Variants in OR6Q1 observed in about 807,000 individuals in gnomAD.
The protein encoded by OR6Q1 is olfactory receptor family 6 subfamily Q member 1.
For missense variants in OR6Q1, 387 were observed against 381.7 expected, an observed-to-expected ratio of 1.01 and a Z score of -0.12; for synonymous variants, 144 against 148.9, an observed-to-expected ratio of 0.97 and a Z score of 0.24.
rs1056727351 is a variant in OR6Q1 at position 58,031,580 on chromosome 11, G to T, written c.628G>T (p.Val210Leu). 2 of 1,613,942 alleles carry T rather than the reference G, an allele frequency of 1.2e-6. No individual in the cohort carries two copies. The highest frequency in any genetic ancestry group is 2.7e-5 in the African/African-American group (2 of 74,908). The change falls in exon 1 of 1, where the codon GTG becomes TTG. Residue 210 changes from valine (V) to leucine (L), a missense_variant. Coordinates refer to ENST00000302622, the MANE Select transcript of OR6Q1 (RefSeq NM_001005186.2). ...ETVDFLVSLA[V>L]LLASSMVIAV... ...TGTGGATTTCCTGGTGTCTCTGGCT[G>T]TGCTACTGGCCTCCTCTATGGTCAT... is the stretch of plus-strand genomic sequence containing the variant.
In OR6Q1 at chr11:58,031,527, C is replaced by A. The variant is rs138474678; in HGVS notation, c.575C>A (p.Ser192Ter). Residue 192 changes from serine (S) to a stop codon, truncating the protein, a stop_gained, in exon 1 of 1, where the codon TCG becomes TAG. Transcript: ENST00000302622. LOFTEE classifies it low-confidence loss of function (END_TRUNC). ...GATGCCTCACCCTTGCTAGCCTTGT[C>A]GTGCTCAGATGTCACTTGGAAGGAG... is the stretch of plus-strand genomic sequence containing the variant. The part of the protein sequence containing the change: ...SCDASPLLAL[S>*]CSDVTWKETV... The A allele has an allele frequency of 6.2e-7, 1 of 1,613,972 alleles. No individual in the cohort carries two copies. Among genetic ancestry groups the A allele is most frequent in the Admixed American group, 1.7e-5 (1 of 59,992 alleles).
Position 58,031,524 on chromosome 11 carries a change from TGTC to T in OR6Q1, c.575_577del (p.Ser192del), listed in dbSNP as rs1853038711. 1 of 1,614,032 alleles carries T rather than the reference TGTC, an allele frequency of 6.2e-7. No individual in the cohort carries two copies. Among genetic ancestry groups the T allele is most frequent in the African/African-American group, 1.3e-5 (1 of 74,910 alleles). On this transcript the variant is annotated inframe_deletion, in exon 1 of 1. Transcript: ENST00000302622. ...TGTGATGCCTCACCCTTGCTAGCCT[TGTC>T]GTGCTCAGATGTCACTTGGAAGGAG...
chr11:58,031,174 G>T lies in OR6Q1; in HGVS notation c.222G>T (p.Trp74Cys). ...FLTHLSCLEI[W>C]YTSVTVPKML... ...CACACTTGTCCTGCCTTGAAATCTGGTACACTTCTGTTACAGTGCCCAAGA... is the reference window on the plus strand; with the variant it reads ...CACACTTGTCCTGCCTTGAAATCTGTTACACTTCTGTTACAGTGCCCAAGA... Residue 74 changes from tryptophan to cysteine, a missense_variant, in exon 1 of 1, where the codon TGG becomes TGT. Trp to Cys is a radical substitution (Grantham distance 215). Transcript: ENST00000302622. The T allele has an allele frequency of 6.2e-7, 1 of 1,614,100 alleles. No homozygotes were observed. The highest frequency in any genetic ancestry group is 2.2e-5 in the East Asian group (1 of 44,890).
At position 58,031,072 on chromosome 11, in the gene OR6Q1, C is replaced by T; in HGVS notation, c.120C>T (p.Thr40=). The T allele has an allele frequency of 6.2e-7, 1 of 1,614,184 alleles. No homozygotes were observed. The highest frequency in any genetic ancestry group is 8.5e-7 in the Non-Finnish European group (1 of 1,180,010). ...TCTTCCTCACCATGTACCTGTTCAC[C>T]TTGGTGGAGAATTTGGCCATCATTT... is the stretch of plus-strand genomic sequence containing the variant. The part of the protein sequence containing the change: ...FILFLTMYLF[T]LVENLAIILV... The change falls in exon 1 of 1, where the codon ACC becomes ACT. Residue 40 remains threonine (T), a synonymous_variant. Transcript: ENST00000302622.
Position 58,031,573 on chromosome 11 carries a change from T to G in OR6Q1, c.621T>G (p.Ser207=). The stretch of plus-strand genomic sequence containing the variant: ...AGGAGACTGTGGATTTCCTGGTGTC[T>G]CTGGCTGTGCTACTGGCCTCCTCTA... ...TWKETVDFLV[S]LAVLLASSMV... is the part of the protein sequence containing the mutation. Residue 207 remains serine, a synonymous_variant, in exon 1 of 1, where the codon TCT becomes TCG. Transcript: ENST00000302622. 1 of 1,614,078 alleles carries G rather than the reference T, an allele frequency of 6.2e-7. No individual in the cohort carries two copies. Among genetic ancestry groups the G allele is most frequent in the Non-Finnish European group, 8.5e-7 (1 of 1,179,966 alleles).
rs971685072 is a variant in OR6Q1 at position 58,031,357 on chromosome 11, C to T, written c.405C>T (p.His135=). 11 of 1,614,206 alleles carry T rather than the reference C, an allele frequency of 6.8e-6. No individual in the cohort carries two copies. The East Asian group carries it at 2.0e-4, about 29-fold the overall frequency. ...ATGTGGCCATTTGTATGCCTCTCCA[C>T]TATGGGGCTTTTGTGTCCTGGGGCA... The part of the protein sequence containing the change: ...DRYVAICMPL[H]YGAFVSWGTC... Residue 135 remains histidine, a synonymous_variant, in exon 1 of 1, where the codon CAC becomes CAT. Coordinates refer to ENST00000302622, the MANE Select transcript of OR6Q1 (RefSeq NM_001005186.2).
rs748428914 is a variant in OR6Q1 at position 58,031,105 on chromosome 11, G to T, written c.153G>T (p.Val51=). ...LVENLAIILV[V]GLDHRLRRPM... is the part of the protein sequence containing the mutation. ...AGAATTTGGCCATCATTTTAGTGGT[G>T]GGTTTGGACCACCGACTACGGAGAC... The change falls in exon 1 of 1, where the codon GTG becomes GTT. Residue 51 remains valine, a synonymous_variant. Transcript: ENST00000302622. 6 of 1,614,100 alleles carry T rather than the reference G, an allele frequency of 3.7e-6. No homozygotes were observed. Among genetic ancestry groups the T allele is most frequent in the Non-Finnish European group, 5.1e-6 (6 of 1,180,014 alleles).
At position 58,031,562 on chromosome 11, in the gene OR6Q1, TTCCTGGTGTCTCTGGCTGTGCTACTGGCC is replaced by T. The variant is rs745891114; in HGVS notation, c.615_643del (p.Val206TyrfsTer22). ...TGTCACTTGGAAGGAGACTGTGGATTTCCTGGTGTCTCTGGCTGTGCTACTGGCCTCCTCTATGGTCATTGCTGTGTCCT... is the reference window on the plus strand; with the variant it reads ...TGTCACTTGGAAGGAGACTGTGGATTTCCTCTATGGTCATTGCTGTGTCCT... On this transcript the variant is annotated frameshift_variant, in exon 1 of 1. Coordinates refer to ENST00000302622, the MANE Select transcript of OR6Q1 (RefSeq NM_001005186.2). LOFTEE classifies it low-confidence loss of function (END_TRUNC). The T allele has an allele frequency of 2.1e-5, 34 of 1,613,984 alleles. No individual in the cohort carries two copies. Among genetic ancestry groups the T allele is most frequent in the Admixed American group, 1.2e-4 (7 of 59,984 alleles).
At position 58,031,807 on chromosome 11, in the gene OR6Q1, C is replaced by A. The variant is rs952042998; in HGVS notation, c.855C>A (p.Val285=). The change falls in exon 1 of 1, where the codon GTC becomes GTA. Residue 285 remains valine (V), a synonymous_variant. Transcript: ENST00000302622. ...TGGTATCTGTCTTCTACTCTGTTGT[C>A]ACGCCCATGCTCAATCCTCTCATCT... ...NKVVSVFYSV[V]TPMLNPLIYS... 3.1e-6 allele frequency: 5 copies of A among 1,614,020 alleles called. No individual in the cohort carries two copies. The highest frequency in any genetic ancestry group is 8.5e-7 in the Non-Finnish European group (1 of 1,179,904).
Position 58,031,710 on chromosome 11 carries a change from G to A in OR6Q1, c.758G>A (p.Ser253Asn), listed in dbSNP as rs1853041887. The A allele has an allele frequency of 6.2e-7, 1 of 1,614,038 alleles. No homozygotes were observed. ...TGTGCAGCTCACCTGACTGTGGTGA[G>A]CCTCTTCTATGGCACTCTTTTCTTT... ...STCAAHLTVV[S>N]LFYGTLFFMY... The change falls in exon 1 of 1, where the codon AGC becomes AAC. Residue 253 changes from serine (S) to asparagine (N), a missense_variant. Transcript: ENST00000302622.
chr11:58,031,417 A>T lies in OR6Q1; in HGVS notation c.465A>T (p.Val155=). ...CIRLAAACWL[V]GFLTPILPIY... ...GTCTGGCAGCTGCCTGTTGGCTGGT[A>T]GGTTTCCTCACACCCATCTTGCCAA... is the stretch of plus-strand genomic sequence containing the variant. The change falls in exon 1 of 1, where the codon GTA becomes GTT. Residue 155 remains valine, a synonymous_variant. Transcript: ENST00000302622. The T allele has an allele frequency of 6.2e-7, 1 of 1,614,094 alleles. No individual in the cohort carries two copies. Among genetic ancestry groups the T allele is most frequent in the Non-Finnish European group, 8.5e-7 (1 of 1,179,988 alleles).
chr11:58,031,214 A>T lies in OR6Q1; in HGVS notation c.262A>T (p.Ile88Phe), dbSNP rs61741314. ...AGTGCCCAAGATGCTGGCTGGTTTTATTGGGGTGGATGGTGGCAAGAATAT... is the reference window on the plus strand; with the variant it reads ...AGTGCCCAAGATGCTGGCTGGTTTTTTTGGGGTGGATGGTGGCAAGAATAT... ...VTVPKMLAGF[I>F]GVDGGKNISY... The change falls in exon 1 of 1, where the codon ATT (isoleucine) becomes TTT (phenylalanine). Residue 88 changes from isoleucine (I) to phenylalanine (F), a missense_variant. By Grantham distance (21) the Ile-to-Phe change is conservative (BLOSUM62 0). Transcript: ENST00000302622. 497 of 1,614,034 alleles carry T rather than the reference A, an allele frequency of 3.1e-4. 7 individuals are homozygous for T. The African/African-American group carries it at 5.3e-3, about 17-fold the overall frequency.
chr11:58,031,336 G>A lies in OR6Q1; in HGVS notation c.384G>A (p.Val128=). ...CTGCCATGGCCTATGATCGTTATGT[G>A]GCCATTTGTATGCCTCTCCACTATG... ...LLAAMAYDRY[V]AICMPLHYGA... Residue 128 remains valine, a synonymous_variant, in exon 1 of 1, where the codon GTG becomes GTA. Transcript: ENST00000302622. The A allele has an allele frequency of 6.2e-7, 1 of 1,614,114 alleles. No homozygotes were observed. Among genetic ancestry groups the A allele is most frequent in the Non-Finnish European group, 8.5e-7 (1 of 1,180,028 alleles).
rs749561626 is a variant in OR6Q1, at chr11:58,031,293, C to G, written c.341C>G (p.Thr114Ser). ...TTCATCTTCACCTTTCTTGGGGCAACTGAGTGTTTCCTACTGGCTGCCATG... is the reference window on the plus strand; with the variant it reads ...TTCATCTTCACCTTTCTTGGGGCAAGTGAGTGTTTCCTACTGGCTGCCATG... ...QLFIFTFLGATECFLLAAMAY... is the reference protein window; with the variant it reads ...QLFIFTFLGASECFLLAAMAY... The change falls in exon 1 of 1, where the codon ACT becomes AGT. Residue 114 changes from threonine (T) to serine (S), a missense_variant. Physicochemically the swap from Thr to Ser is moderately conservative, Grantham distance 58. Transcript: ENST00000302622. 3.1e-6 allele frequency: 5 copies of G among 1,614,020 alleles called. No homozygotes were observed. The East Asian group carries it at 8.9e-5, about 29-fold the overall frequency.
In OR6Q1 at chr11:58,031,722, G is replaced by A. The variant is rs748139006; in HGVS notation, c.770G>A (p.Gly257Asp). ...CTGACTGTGGTGAGCCTCTTCTATG[G>A]CACTCTTTTCTTTATGTATGTCCAG... The part of the protein sequence containing the change: ...AHLTVVSLFY[G>D]TLFFMYVQTK... The change falls in exon 1 of 1, where the codon GGC becomes GAC. Residue 257 changes from glycine to aspartate, a missense_variant. Gly to Asp is a moderately conservative substitution (Grantham distance 94). Coordinates refer to ENST00000302622, the MANE Select transcript of OR6Q1 (RefSeq NM_001005186.2). The A allele has an allele frequency of 6.2e-7, 1 of 1,614,002 alleles. No individual in the cohort carries two copies. The highest frequency in any genetic ancestry group is 1.3e-5 in the African/African-American group (1 of 75,002).
rs772612832 is a variant in OR6Q1 at position 58,030,980 on chromosome 11, C to A, written c.28C>A (p.Gln10Lys). 2 of 1,613,872 alleles carry A rather than the reference C, an allele frequency of 1.2e-6. No homozygotes were observed. Among genetic ancestry groups the A allele is most frequent in the Non-Finnish European group, 8.5e-7 (1 of 1,179,860 alleles). Residue 10 changes from glutamine to lysine, a missense_variant, in exon 1 of 1, where the codon CAG (glutamine) becomes AAG (lysine). Physicochemically the swap from Gln to Lys is moderately conservative, Grantham distance 53 (BLOSUM62 1). Coordinates refer to ENST00000302622, the MANE Select transcript of OR6Q1 (RefSeq NM_001005186.2). ...GCAACCATATACCAAAAACTGGACC[C>A]AGGTAACTGAATTTGTCATGATGGG... Reference protein sequence around the residue: MQPYTKNWTQVTEFVMMGFA... With the variant: MQPYTKNWTKVTEFVMMGFA...
At position 58,031,252 on chromosome 11, in the gene OR6Q1, T is replaced by C. The variant is rs776369205; in HGVS notation, c.300T>C (p.Asp100=). Residue 100 remains aspartate, a synonymous_variant, in exon 1 of 1, where the codon GAT becomes GAC. Transcript: ENST00000302622. The stretch of plus-strand genomic sequence containing the variant: ...GTGGCAAGAATATCTCTTATGCTGA[T>C]TGCCTATCCCAGCTCTTCATCTTCA... ...VDGGKNISYA[D]CLSQLFIFTF... 2 of 1,614,178 alleles carry C rather than the reference T, an allele frequency of 1.2e-6. No homozygotes were observed. Among genetic ancestry groups the C allele is most frequent in the South Asian group, 2.2e-5 (2 of 91,088 alleles).
In OR6Q1 at chr11:58,031,264, G is replaced by C; in HGVS notation, c.312G>C (p.Gln104His). Reference sequence around the variant, plus strand: ...TCTCTTATGCTGATTGCCTATCCCAGCTCTTCATCTTCACCTTTCTTGGGG... The same window carrying C: ...TCTCTTATGCTGATTGCCTATCCCACCTCTTCATCTTCACCTTTCTTGGGG... ...KNISYADCLSQLFIFTFLGAT... is the reference protein window; with the variant it reads ...KNISYADCLSHLFIFTFLGAT... Residue 104 changes from glutamine to histidine, a missense_variant, in exon 1 of 1, where the codon CAG becomes CAC. Physicochemically the swap from Gln to His is conservative, Grantham distance 24. Transcript: ENST00000302622. 6.2e-7 allele frequency: 1 copy of C among 1,614,174 alleles called. No homozygotes were observed. The highest frequency in any genetic ancestry group is 8.5e-7 in the Non-Finnish European group (1 of 1,180,022).
In OR6Q1 at chr11:58,031,036, C is replaced by T. The variant is rs755734461; in HGVS notation, c.84C>T (p.Leu28=). 1.2e-6 allele frequency: 2 copies of T among 1,614,116 alleles called. No individual in the cohort carries two copies. Among genetic ancestry groups the T allele is most frequent in the Non-Finnish European group, 1.7e-6 (2 of 1,179,950 alleles). The part of the protein sequence containing the change: ...GFAGIHEAHL[L]FFILFLTMYL... ...CTGGCATCCATGAAGCACACCTCCT[C>T]TTCTTCATACTCTTCCTCACCATGT... The change falls in exon 1 of 1, where the codon CTC becomes CTT. Residue 28 remains leucine, a synonymous_variant. Coordinates refer to ENST00000302622, the MANE Select transcript of OR6Q1 (RefSeq NM_001005186.2).
Sources: gnomAD v4.1 joint callset for allele counts on GRCh38, gnomAD v4.1.1 for gene constraint, MANE v1.5 for transcripts, NCBI Gene and HGNC (gene_info 2026-07-23, HGNC 2026-07-21) for gene names.